The following KLF12 variants were observed in gnomAD, a reference collection of about 807,000 sequenced individuals.
KLF12 encodes Krueppel-like factor 12.
A neutral mutation model predicts 37.8 loss-of-function variants in KLF12; 9 were observed. The ratio of observed to expected loss-of-function variants is 0.24; its 90% CI spans 0.14 to 0.42. The LOEUF (loss-of-function observed/expected upper bound fraction) is 0.42, where lower values mean the gene tolerates loss of function less well. Ranked by LOEUF, KLF12 falls within the 10% of genes least tolerant of loss-of-function variation. The pLI, the probability that KLF12 is intolerant of heterozygous loss-of-function variation, is 1.00. For synonymous variants in KLF12, 208 were observed against 202.1 expected (o/e 1.03, Z -0.25); for missense variants, 411 against 516.0 (o/e 0.80, Z 1.97).
At chr13:74,265,793 A>G in the KLF12 span, among the ~76,000 whole-genome samples, 1 of 152,214 alleles carries the variant, frequency 6.6e-6, no homozygotes, top group African/African-American at 2.4e-5. Context: ...CAGGAATAAG[A>G]GTTATTATGA....
chr13:73,942,449 A>G (rs954474660), intron 3 of KLF12, among the ~76,000 whole-genome samples: 9 of 152,142 alleles, frequency 5.9e-5, no homozygotes, highest in Non-Finnish European at 1.3e-4. Context: ...CAACTAGATT[A>G]AGAAATGAAT....
the KLF12 span, among the ~76,000 whole-genome samples, chr13:74,148,403 CT>C: frequency 0.04 from 2,946 of 73,338 alleles, 117 homozygotes; most frequent in African/African-American, 0.15. Context: ...CAAAACTGCT[CT>C]TTTTTTTTTT....
At chr13:74,051,072 T>C (rs989688524) in intron 1 of KLF12, among the ~76,000 whole-genome samples, 2 of 152,132 alleles carry the variant, frequency 1.3e-5, no homozygotes, top group African/African-American at 4.8e-5. Flanking sequence ...GGAACCGTTT[T>C]ACACTGCTGG....
chr13:74,268,429 C>T, the KLF12 span, among the ~76,000 whole-genome samples: 1 of 152,148 alleles, frequency 6.6e-6, no homozygotes, highest in Non-Finnish European at 1.5e-5. Flanking sequence ...CAGATTATGT[C>T]GTCCAACATT....
chr13:74,132,814 C>T (rs112679104), intron 1 of KLF12, among the ~76,000 whole-genome samples: 2,046 of 152,288 alleles, frequency 0.013, 19 homozygotes, highest in Non-Finnish European at 0.02. Context: ...TGCACCCCAC[C>T]CTTTTCCCCA....
the KLF12 span, chr13:74,289,276 C>T: frequency 1.3e-5 from 2 of 152,224 alleles, no homozygotes; most frequent in East Asian, 1.9e-4. Context: ...GGGATGGTAA[C>T]TAAATGAGAA....
chr13:74,016,915 A>C (rs1379725164), intron 1 of KLF12, among the ~76,000 whole-genome samples: 2 of 152,206 alleles, frequency 1.3e-5, no homozygotes, highest in African/African-American at 4.8e-5. Flanking sequence ...AATCTGTGGA[A>C]GCTTTTTGAT....
chr13:73,953,970 C>A, intron 2 of KLF12, among the ~76,000 whole-genome samples: 1 of 88,534 alleles, frequency 1.1e-5, no homozygotes, highest in East Asian at 3.5e-4. Flanking sequence ...TTTTTTCTTT[C>A]TTTTTTTTTT....
chr13:74,046,017 T>C (rs1480228238), intron 1 of KLF12, among the ~76,000 whole-genome samples: 3 of 152,260 alleles, frequency 2.0e-5, no homozygotes. Flanking sequence ...CTGGGTGATA[T>C]TTCTGTAACC....
chr13:74,252,715 T>C, the KLF12 span, among the ~76,000 whole-genome samples: 1 of 152,172 alleles, frequency 6.6e-6, no homozygotes, highest in South Asian at 2.1e-4. Context: ...CTTAATGAAA[T>C]AGAAATATTT....
chr13:74,224,332 C>T, the KLF12 span, among the ~76,000 whole-genome samples: 3 of 152,262 alleles, frequency 2.0e-5, no homozygotes, highest in African/African-American at 7.2e-5. Context: ...TTCCTACATC[C>T]TCAGATCCTC....
the KLF12 span, among the ~76,000 whole-genome samples, chr13:74,303,037 C>T: frequency 1.1e-4 from 16 of 152,140 alleles, no homozygotes; most frequent in South Asian, 2.9e-3. Context: ...TTGAAAATGA[C>T]GCCAAGTGGT....
intron 3 of KLF12, among the ~76,000 whole-genome samples, chr13:73,853,993 C>T (rs1356576538): frequency 1.3e-5 from 2 of 152,116 alleles, no homozygotes; most frequent in Non-Finnish European, 2.9e-5. Context: ...AGGTCAAAAA[C>T]GGAAGCTGGA....
At chr13:74,049,785 T>A (rs1872786913) in intron 1 of KLF12, among the ~76,000 whole-genome samples, 1 of 151,992 alleles carries the variant, frequency 6.6e-6, no homozygotes, top group African/African-American at 2.4e-5. Flanking sequence ...AAATAGGGGA[T>A]CCCTTGCTCT....
intron 3 of KLF12, among the ~76,000 whole-genome samples, chr13:73,932,172 C>T (rs939845546): frequency 6.6e-6 from 1 of 152,078 alleles, no homozygotes; most frequent in African/African-American, 2.4e-5. Context: ...TTAGTTATGA[C>T]AAGAATATGG....
rs151101541 is a variant in KLF12, at chr13:73,994,218, TA to T, written c.33+771del. Among the ~76,000 whole-genome samples the T allele has an allele frequency of 3.3e-3, 504 of 151,868 alleles. 7 individuals are homozygous for T. Among genetic ancestry groups the T allele is most frequent in the African/African-American group, 0.011 (474 of 41,406 alleles). ...TGCATTGATTTGGAAGCAGCAAGAG[TA>T]ATATGGGAAGGAAAATATGAAATTG... On this transcript the variant is annotated intron_variant, in intron 2 of 7. Coordinates refer to ENST00000377669, the MANE Select transcript of KLF12 (RefSeq NM_007249.5).
intron 1 of KLF12, among the ~76,000 whole-genome samples, chr13:74,114,905 G>C (rs955784102): frequency 6.6e-6 from 1 of 152,030 alleles, no homozygotes; most frequent in Non-Finnish European, 1.5e-5. Flanking sequence ...CTAAATCATG[G>C]GGCCCCAACC....
chr13:74,156,370 T>C, the KLF12 span, among the ~76,000 whole-genome samples: 3 of 152,278 alleles, frequency 2.0e-5, no homozygotes, highest in East Asian at 5.8e-4. Flanking sequence ...ATCATGTATG[T>C]TTTTCTATAC....
chr13:73,816,611 C>T (rs142151045), intron 4 of KLF12, among the ~76,000 whole-genome samples: 107 of 152,278 alleles, frequency 7.0e-4, no homozygotes, highest in African/African-American at 2.3e-3. Flanking sequence ...GTTACTATAA[C>T]GATCCCTCCA....
Sources: gnomAD v4.1 joint callset for allele counts (sites outside exome capture counted in the v4.1 genomes callset) on GRCh38, gnomAD v4.1.1 for gene constraint, MANE v1.5 for transcripts, NCBI Gene and HGNC (gene_info 2026-07-23, HGNC 2026-07-21) for gene names.